Variants in SYNCRIP observed in about 807,000 individuals in gnomAD.
SYNCRIP encodes heterogeneous nuclear ribonucleoprotein Q.
A neutral mutation model predicts 68.9 loss-of-function variants in SYNCRIP; 9 were observed. The ratio of observed to expected loss-of-function variants is 0.13; its 90% CI spans 0.08 to 0.23. The LOEUF is 0.23. Among genes scored for constraint, SYNCRIP ranks in the 10% least tolerant of loss-of-function variants. SYNCRIP has a pLI of 1.00. For missense variants in SYNCRIP, 414 were observed against 770.6 expected, an observed-to-expected ratio of 0.54 and a Z score of 5.48; for synonymous variants, 258 against 254.0, an observed-to-expected ratio of 1.02 and a Z score of -0.15.
Position 85,614,770 on chromosome 6 carries a change from G to A in SYNCRIP, c.1858C>T (p.Gln620Ter). The part of the protein sequence containing the change: ...NQEFYQDTFG[Q>*]QWK Reference sequence around the variant, plus strand: ...CCCTACTGTTTCTACTTCCACTGTTGCCCAAAAGTATCCTGATAAAACTCC... The same window carrying A: ...CCCTACTGTTTCTACTTCCACTGTTACCCAAAAGTATCCTGATAAAACTCC... The change falls in exon 11 of 11, where the codon CAA becomes TAA. Residue 620 changes from glutamine to a stop codon, truncating the protein, a stop_gained. Transcript: ENST00000369622. LOFTEE classifies it high-confidence loss of function. The A allele has an allele frequency of 3.1e-6, 5 of 1,597,940 alleles. No homozygotes were observed. Among genetic ancestry groups the A allele is most frequent in the Middle Eastern group, 1.7e-4 (1 of 5,954 alleles).
chr6:85,615,854 A>T (rs1163545569), intron 10 of SYNCRIP, among the ~76,000 whole-genome samples: 1 of 152,262 alleles, frequency 6.6e-6, no homozygotes, highest in Non-Finnish European at 1.5e-5. Flanking sequence ...CTAAGATTCT[A>T]TTCCAATATA....
intron 6 of SYNCRIP, among the ~76,000 whole-genome samples, chr6:85,631,562 G>A (rs1021618764): frequency 6.6e-6 from 1 of 152,132 alleles, no homozygotes; most frequent in Admixed American, 6.5e-5. Flanking sequence ...AGTCTGAATG[G>A]TACAAATGGT....
At chr6:85,615,608 T>C (rs1201330273) in intron 10 of SYNCRIP, among the ~76,000 whole-genome samples, 2 of 152,214 alleles carry the variant, frequency 1.3e-5, no homozygotes, top group Middle Eastern at 3.2e-3. Flanking sequence ...AATCTCCCAA[T>C]AAACCTGTTA....
intron 6 of SYNCRIP, among the ~76,000 whole-genome samples, chr6:85,633,400 G>A (rs1044750436): frequency 6.6e-6 from 1 of 152,128 alleles, no homozygotes; most frequent in African/African-American, 2.4e-5. Context: ...AGACCAGCCT[G>A]GCCAACAGGG....
chr6:85,615,432 T>A, intron 10 of SYNCRIP, 85 bp from the exon 11 acceptor site: 2 of 884,970 alleles, frequency 2.3e-6, no homozygotes, highest in Non-Finnish European at 1.6e-6. Flanking sequence ...ACAGTTTAAA[T>A]CCAGAGTTTA....
chr6:85,635,432 TACTC>T (rs1808325811), intron 6 of SYNCRIP, among the ~76,000 whole-genome samples: 1 of 152,178 alleles, frequency 6.6e-6, no homozygotes, highest in African/African-American at 2.4e-5. Context: ...ACTTCCATCA[TACTC>T]AATTATGCAA....
chr6:85,619,563 G>A (rs1806157363), intron 8 of SYNCRIP, 146 bp from the exon 9 acceptor site: 3 of 682,284 alleles, frequency 4.4e-6, no homozygotes, highest in Non-Finnish European at 7.0e-6. Context: ...TCAACTCCTT[G>A]GGTAAATATC....
At chr6:85,636,835 T>C in intron 6 of SYNCRIP, 132 bp downstream of exon 6, 1 of 748,724 alleles carries the variant, frequency 1.3e-6, no homozygotes, top group South Asian at 2.3e-5. Flanking sequence ...TGCACAGTGA[T>C]GTGGGAAAAA....
intron 7 of SYNCRIP, among the ~76,000 whole-genome samples, chr6:85,623,566 A>AAAAAAAAAAAAAAAAAAAAAAAC (rs1321632612): frequency 1.1e-5 from 1 of 89,766 alleles, no homozygotes; most frequent in African/African-American, 3.1e-5. Context: ...TGTCTCCAAA[A>AAAAAAAAAAAAAAAAAAAAAAAC]AAAAAAAAAA....
chr6:85,636,607 TAAGA>T (rs1269555643), intron 6 of SYNCRIP, among the ~76,000 whole-genome samples: 2 of 152,184 alleles, frequency 1.3e-5, no homozygotes, highest in African/African-American at 4.8e-5. Flanking sequence ...GTGAATTATT[TAAGA>T]AAAAGAGATG....
At chr6:85,629,798 G>A (rs1442817956) in intron 6 of SYNCRIP, among the ~76,000 whole-genome samples, 1 of 151,700 alleles carries the variant, frequency 6.6e-6, no homozygotes, top group East Asian at 1.9e-4. Flanking sequence ...ATCCAGCCTG[G>A]GCAACAAGGC....
chr6:85,641,257 T>C (rs1427702756), intron 2 of SYNCRIP, 35 bp downstream of exon 2: 2 of 1,574,100 alleles, frequency 1.3e-6, no homozygotes, highest in Admixed American at 1.8e-5. Context: ...AATAGAAAAA[T>C]TTCATAATGT....
At chr6:85,623,606 C>A (rs575238525) in intron 7 of SYNCRIP, among the ~76,000 whole-genome samples, 2 of 142,762 alleles carry the variant, frequency 1.4e-5, no homozygotes, top group South Asian at 2.3e-4. Flanking sequence ...GCAATACTTA[C>A]TACTCCTGTA....
At chr6:85,639,491 C>T (rs1808876927) in intron 4 of SYNCRIP, among the ~76,000 whole-genome samples, 1 of 152,216 alleles carries the variant, frequency 6.6e-6, no homozygotes, top group Non-Finnish European at 1.5e-5. Flanking sequence ...ATATTCTAGG[C>T]TTTCCCTGTT....
At chr6:85,641,999 C>G (rs756555455) in intron 1 of SYNCRIP, among the ~76,000 whole-genome samples, 1 of 152,176 alleles carries the variant, frequency 6.6e-6, no homozygotes, top group African/African-American at 2.4e-5. Flanking sequence ...CCACTGCGGC[C>G]GCCAGGAGCC....
downstream of SYNCRIP, chr6:85,609,572 C>T (rs1407430743): frequency 2.6e-5 from 4 of 151,782 alleles, no homozygotes; most frequent in Non-Finnish European, 5.9e-5. Flanking sequence ...CTCAATTTTC[C>T]CTTCATTTTT....
chr6:85,632,903 C>G (rs935250635), intron 6 of SYNCRIP, among the ~76,000 whole-genome samples: 1 of 151,960 alleles, frequency 6.6e-6, no homozygotes. Context: ...ACACTGCACT[C>G]CAGCAAGGGC....
chr6:85,618,714 A>C, intron 10 of SYNCRIP, 104 bp downstream of exon 10: 4 of 955,184 alleles, frequency 4.2e-6, no homozygotes, highest in Non-Finnish European at 6.2e-6. Flanking sequence ...TCTTCTTTAA[A>C]GAGATGTTAT....
chr6:85,626,600 C>G (rs146049049), intron 6 of SYNCRIP, among the ~76,000 whole-genome samples: 80 of 152,142 alleles, frequency 5.3e-4, no homozygotes, highest in Non-Finnish European at 9.9e-4. Flanking sequence ...TGAGAGGAAC[C>G]AAAATCCTTA....
Sources: allele counts gnomAD v4.1 joint callset (sites outside exome capture counted in the v4.1 genomes callset), GRCh38; gene constraint gnomAD v4.1.1; transcripts MANE v1.5; gene names NCBI Gene and HGNC (gene_info 2026-07-23, HGNC 2026-07-21).